Variants in GALNT13 observed in about 807,000 individuals in gnomAD.
GALNT13 encodes UDP-GalNAc:polypeptide N-acetylgalactosaminyltransferase 13.
In GALNT13, 28 loss-of-function variants were observed where a neutral mutation model predicts 64.2. That is an observed-to-expected ratio of 0.44 (90% CI 0.32 to 0.60). The LOEUF (loss-of-function observed/expected upper bound fraction) is 0.60, where lower values mean the gene tolerates loss of function less well. Ranked by LOEUF, GALNT13 falls within the 20% of genes least tolerant of loss-of-function variation. GALNT13 has a pLI of 0.05. For synonymous variants in GALNT13, 214 were observed against 224.6 expected, an observed-to-expected ratio of 0.95 and a Z score of 0.42; for missense variants, 577 against 669.8, an observed-to-expected ratio of 0.86 and a Z score of 1.53.
rs1413034772 is a variant in GALNT13, at chr2:154,140,486, C to A, written c.292C>A (p.Pro98Thr). The change falls in exon 4 of 13, where the codon CCA (proline) becomes ACA (threonine). Residue 98 changes from proline to threonine, a missense_variant. Transcript: ENST00000392825. ...SDLIALNRSL[P>T]DVRLEGCKTK... is the part of the protein sequence containing the mutation. ...TTTGATTGCCCTTAATAGAAGTCTG[C>A]CAGATGTAAGATTAGAAGGGTAAGT... 1.2e-6 allele frequency: 2 copies of A among 1,607,936 alleles called. No homozygotes were observed. Among genetic ancestry groups the A allele is most frequent in the Admixed American group, 3.4e-5 (2 of 59,636 alleles).
chr2:153,610,428 A>G, the GALNT13 span, among the ~76,000 whole-genome samples: 2 of 152,170 alleles, frequency 1.3e-5, no homozygotes, highest in Admixed American at 6.5e-5. Flanking sequence ...TAATCCCAGC[A>G]CTTTGGGAGG....
the GALNT13 span, among the ~76,000 whole-genome samples, chr2:153,307,377 A>T: frequency 6.6e-6 from 1 of 152,166 alleles, no homozygotes; most frequent in South Asian, 2.1e-4. Flanking sequence ...GCTCATCATC[A>T]TGTTACGTAG....
At chr2:154,131,088 T>C (rs1682587962) in intron 3 of GALNT13, among the ~76,000 whole-genome samples, 1 of 152,214 alleles carries the variant, frequency 6.6e-6, no homozygotes, top group Admixed American at 6.5e-5. Flanking sequence ...AAGGGCCTTT[T>C]AAATATTTTT....
At chr2:154,240,930 C>G (rs2105867537) in intron 4 of GALNT13, among the ~76,000 whole-genome samples, 1 of 152,250 alleles carries the variant, frequency 6.6e-6, no homozygotes, top group Admixed American at 6.5e-5. Flanking sequence ...AGTCCAGCAC[C>G]TCAGCGGCCT....
intron 9 of GALNT13, among the ~76,000 whole-genome samples, chr2:154,348,190 G>A (rs971249349): frequency 3.3e-5 from 5 of 152,044 alleles, no homozygotes; most frequent in Non-Finnish European, 7.4e-5. Flanking sequence ...TCTTGGTCTT[G>A]GTTCTAACTC....
At chr2:153,832,344 A>G in the GALNT13 span, among the ~76,000 whole-genome samples, 1 of 152,146 alleles carries the variant, frequency 6.6e-6, no homozygotes, top group Non-Finnish European at 1.5e-5. Flanking sequence ...CATAAAATAG[A>G]ATTTCATTAT....
At chr2:153,082,916 C>T in the GALNT13 span, among the ~76,000 whole-genome samples, 1 of 151,482 alleles carries the variant, frequency 6.6e-6, no homozygotes, top group Non-Finnish European at 1.5e-5. Flanking sequence ...GCAACCTCCG[C>T]CTCGCAGGTT....
At chr2:153,344,997 A>G in the GALNT13 span, among the ~76,000 whole-genome samples, 1 of 152,248 alleles carries the variant, frequency 6.6e-6, no homozygotes, top group Non-Finnish European at 1.5e-5. Flanking sequence ...ACAGAAATAT[A>G]ACAAAAGTAA....
the GALNT13 span, among the ~76,000 whole-genome samples, chr2:153,554,966 G>C: frequency 6.6e-6 from 1 of 151,958 alleles, no homozygotes; most frequent in African/African-American, 2.4e-5. Context: ...ATAGAGATTG[G>C]TCTGTATCCC....
chr2:153,526,095 C>T, the GALNT13 span, among the ~76,000 whole-genome samples: 2 of 152,252 alleles, frequency 1.3e-5, no homozygotes, highest in Non-Finnish European at 1.5e-5. Context: ...TCCTGGATGG[C>T]ACTCTAGACA....
chr2:153,879,684 C>T (rs1035640570), intron 1 of GALNT13, among the ~76,000 whole-genome samples: 2 of 151,950 alleles, frequency 1.3e-5, no homozygotes, highest in African/African-American at 2.4e-5. Flanking sequence ...TGCTTTGAGC[C>T]ACAAAACTTG....
intron 3 of GALNT13, among the ~76,000 whole-genome samples, chr2:154,054,370 A>C (rs1436920434): frequency 6.6e-6 from 1 of 152,052 alleles, no homozygotes; most frequent in African/African-American, 2.4e-5. Context: ...TTATGAACTG[A>C]CATTCTTTTC....
At chr2:153,650,574 A>G in the GALNT13 span, among the ~76,000 whole-genome samples, 38,501 of 152,030 alleles carry the variant, frequency 0.25, 5,514 homozygotes, top group Admixed American at 0.37. Flanking sequence ...GGTCTTTACA[A>G]TTTGGCATGT....
the GALNT13 span, among the ~76,000 whole-genome samples, chr2:153,783,939 C>G: frequency 1.3e-5 from 2 of 152,124 alleles, no homozygotes; most frequent in African/African-American, 2.4e-5. Flanking sequence ...TTGTTAGCAG[C>G]ATGAGAAGTG....
At chr2:154,454,315 C>A (rs1382026804), downstream of GALNT13, among the ~76,000 whole-genome samples, 3 of 151,998 alleles carry the variant, frequency 2.0e-5, no homozygotes, top group Non-Finnish European at 2.9e-5. Context: ...TAAACTAATA[C>A]TGTCACTCAA....
At chr2:153,956,143 G>C (rs763128582) in intron 3 of GALNT13, among the ~76,000 whole-genome samples, 2 of 152,130 alleles carry the variant, frequency 1.3e-5, no homozygotes, top group Non-Finnish European at 2.9e-5. Flanking sequence ...ATAGAACTAA[G>C]TTATGTTGGG....
the GALNT13 span, among the ~76,000 whole-genome samples, chr2:153,310,447 G>T: frequency 2.6e-4 from 40 of 152,034 alleles, no homozygotes; most frequent in African/African-American, 9.6e-4. Context: ...TGCCACCCCT[G>T]AGACAGCAAG....
At chr2:153,991,164 T>C (rs775580741) in intron 3 of GALNT13, among the ~76,000 whole-genome samples, 1 of 152,144 alleles carries the variant, frequency 6.6e-6, no homozygotes, top group Non-Finnish European at 1.5e-5. Flanking sequence ...AATTGAAGCC[T>C]AACTGGGAGA....
At chr2:153,594,717 A>G in the GALNT13 span, among the ~76,000 whole-genome samples, 1 of 152,120 alleles carries the variant, frequency 6.6e-6, no homozygotes, top group Non-Finnish European at 1.5e-5. Flanking sequence ...CTTTTACTCA[A>G]GCGGGTCCCC....
Sources: allele counts gnomAD v4.1 joint callset (sites outside exome capture counted in the v4.1 genomes callset), GRCh38; gene constraint gnomAD v4.1.1; transcripts MANE v1.5; gene names NCBI Gene and HGNC (gene_info 2026-07-23, HGNC 2026-07-21).